The following CDC42 variants were observed in gnomAD, a reference collection of about 807,000 sequenced individuals.
CDC42 encodes cell division control protein 42 homolog.
CDC42 carries 1 observed loss-of-function variant against 20.8 expected under a neutral mutation model. That is an observed-to-expected ratio of 0.05 (90% confidence interval 0.02 to 0.23). The LOEUF is 0.23. CDC42 is among the 10% of genes least tolerant of loss of function. The pLI, the probability that CDC42 is intolerant of heterozygous loss-of-function variation, is 1.00. For synonymous variants in CDC42, 72 were observed against 84.8 expected (o/e 0.85, Z 0.83); for missense variants, 49 against 227.9 (o/e 0.21, Z 5.05).
intron 1 of CDC42, among the ~76,000 whole-genome samples, chr1:22,055,840 T>G (rs1008610084): frequency 6.6e-6 from 1 of 151,136 alleles, no homozygotes; most frequent in African/African-American, 2.4e-5. Context: ...TAGATGTATT[T>G]TAAATGCACT....
At position 22,078,601 on chromosome 1, in the gene CDC42, C is replaced by T. The variant is rs752421538; in HGVS notation, c.105+18C>T. 6.3e-7 allele frequency: 1 copy of T among 1,581,614 alleles called. No homozygotes were observed. Among genetic ancestry groups the T allele is most frequent in the South Asian group, 1.1e-5 (1 of 88,114 alleles). On this transcript the variant is annotated intron_variant, in intron 2 of 5. Coordinates refer to ENST00000656825, the MANE Select transcript of CDC42 (RefSeq NM_001791.4). Reference sequence around the variant, plus strand: ...TACCGACTGTAAGTATAAAGGCTTCCTTCTGTTAGTAAAATGTTGTAAAAT... The same window carrying T: ...TACCGACTGTAAGTATAAAGGCTTCTTTCTGTTAGTAAAATGTTGTAAAAT...
chr1:22,062,853 T>G (rs1645382155), intron 1 of CDC42, among the ~76,000 whole-genome samples: 1 of 151,792 alleles, frequency 6.6e-6, no homozygotes, highest in Non-Finnish European at 1.5e-5. Context: ...ACTTTGTCCT[T>G]AAACACTCCA....
chr1:22,082,106 A>C lies in CDC42; in HGVS notation c.178+312A>C, dbSNP rs1013941861. ...CACCTTGCAGAGAACTGGGGACTGCATTAGTGGTTGGGGAGGGACTAAGGG... is the reference window on the plus strand; with the variant it reads ...CACCTTGCAGAGAACTGGGGACTGCCTTAGTGGTTGGGGAGGGACTAAGGG... On this transcript the variant is annotated intron_variant, in intron 3 of 5. Coordinates refer to ENST00000656825, the MANE Select transcript of CDC42 (RefSeq NM_001791.4). Among the ~76,000 whole-genome samples, 3 of 152,300 alleles carry C rather than the reference A, an allele frequency of 2.0e-5. No individual in the cohort carries two copies. The East Asian group carries it at 5.8e-4, about 29-fold the overall frequency.
At chr1:22,066,331 C>T (rs540348118) in intron 1 of CDC42, among the ~76,000 whole-genome samples, 8 of 151,808 alleles carry the variant, frequency 5.3e-5, no homozygotes, top group East Asian at 3.9e-4. Context: ...GCTGAAATTG[C>T]GCCACTGTGC....
chr1:22,087,302 A>G (rs1570039908), intron 5 of CDC42, among the ~76,000 whole-genome samples: 1 of 152,342 alleles, frequency 6.6e-6, no homozygotes, highest in East Asian at 1.9e-4. Context: ...AATTAGTCAT[A>G]ATAATTGAGA....
At chr1:22,088,019 C>T (rs1461473898) in intron 5 of CDC42, among the ~76,000 whole-genome samples, 3 of 152,140 alleles carry the variant, frequency 2.0e-5, no homozygotes, top group Middle Eastern at 3.2e-3. Flanking sequence ...ACATAATCTT[C>T]TAATCCTCGT....
chr1:22,063,488 A>T (rs1010658529), intron 1 of CDC42, among the ~76,000 whole-genome samples: 1 of 152,170 alleles, frequency 6.6e-6, no homozygotes, highest in Non-Finnish European at 1.5e-5. Context: ...ATAAGTTAAT[A>T]GGATTTCGTT....
In CDC42 at chr1:22,099,006, G is replaced by T. The variant is rs151294509; in HGVS notation, c.*7489G>T. 6.6e-6 allele frequency among the ~76,000 whole-genome samples: 1 copy of T among 152,180 alleles called. No individual in the cohort carries two copies. Among genetic ancestry groups the T allele is most frequent in the East Asian group, 1.9e-4 (1 of 5,166 alleles). On this transcript the variant is annotated 3_prime_UTR_variant, in exon 6 of 6. Transcript: ENST00000656825. ...ACTCCTGAGCTGATCCTCCCACCTCGGCCTCCCAACGTGCTGGGATTACAG... is the reference window on the plus strand; with the variant it reads ...ACTCCTGAGCTGATCCTCCCACCTCTGCCTCCCAACGTGCTGGGATTACAG...
chr1:22,066,986 C>T (rs975144998), intron 1 of CDC42, among the ~76,000 whole-genome samples: 1 of 152,104 alleles, frequency 6.6e-6, no homozygotes, highest in Non-Finnish European at 1.5e-5. Context: ...TCGCTTGAAC[C>T]TGGGAGGCGG....
intron 1 of CDC42, among the ~76,000 whole-genome samples, chr1:22,065,342 G>GT (rs755548018): frequency 8.5e-5 from 13 of 152,172 alleles, no homozygotes; most frequent in Non-Finnish European, 1.6e-4. Flanking sequence ...GGCTACAAAT[G>GT]TGACACTTAT....
chr1:22,081,413 T>G (rs1645606445), intron 2 of CDC42, among the ~76,000 whole-genome samples: 1 of 152,242 alleles, frequency 6.6e-6, no homozygotes, highest in South Asian at 2.1e-4. Context: ...TCTGAAAAGT[T>G]TCAAACTTGA....
Position 22,080,569 on chromosome 1 carries a change from CTTTTCTTTTTATAGATATCA to C in CDC42, c.106-1149_106-1130del, listed in dbSNP as rs1412886950. ...TTCTTCTCCTAGTTGGAAAGCTTTG[CTTTTCTTTTTATAGATATCA>C]TTTAATTTTAAAATTTTTACTGTAA... On this transcript the variant is annotated intron_variant, in intron 2 of 5. Transcript: ENST00000656825. Among the ~76,000 whole-genome samples, 3 of 151,954 alleles carry C rather than the reference CTTTTCTTTTTATAGATATCA, an allele frequency of 2.0e-5. No homozygotes were observed. The Admixed American group carries it at 2.0e-4, about 10-fold the overall frequency.
In CDC42 at chr1:22,099,815, C is replaced by T. The variant is rs1645778555; in HGVS notation, c.*8298C>T. On this transcript the variant is annotated 3_prime_UTR_variant, in exon 6 of 6. Transcript: ENST00000656825. Reference sequence around the variant, plus strand: ...ATTCTCTACATGGCACTCTTTTAAGCCTTTGTGTGAATTAACTCAGTCTTC... The same window carrying T: ...ATTCTCTACATGGCACTCTTTTAAGTCTTTGTGTGAATTAACTCAGTCTTC... Among the ~76,000 whole-genome samples, 1 of 152,016 alleles carries T rather than the reference C, an allele frequency of 6.6e-6. No homozygotes were observed. The highest frequency in any genetic ancestry group is 2.1e-4 in the South Asian group (1 of 4,818).
At chr1:22,054,913 ATATATATATTTTTTTTTTTTTTTTTTTTT>A (rs1645282691) in intron 1 of CDC42, among the ~76,000 whole-genome samples, 11 of 14,626 alleles carry the variant, frequency 7.5e-4, no homozygotes, top group East Asian at 7.7e-3. Flanking sequence ...ATATATATAT[ATATATATATTTTTTTTTTTTTTTTTTTTT>A]TTTTTTTTTT....
intron 1 of CDC42, among the ~76,000 whole-genome samples, chr1:22,054,325 C>T (rs900627403): frequency 2.6e-5 from 4 of 152,030 alleles, no homozygotes; most frequent in African/African-American, 7.3e-5. Context: ...AAGTGAGCCT[C>T]CCACCTCAGC....
chr1:22,086,749 C>T lies in CDC42; in HGVS notation c.369C>T (p.Pro123=). 6.2e-7 allele frequency: 1 copy of T among 1,614,002 alleles called. No homozygotes were observed. Among genetic ancestry groups the T allele is most frequent in the Non-Finnish European group, 8.5e-7 (1 of 1,179,904 alleles). ...CTCAAATTGATCTCAGAGATGACCCCTCTACTATTGAGAAACTTGCCAAGA... is the reference window on the plus strand; with the variant it reads ...CTCAAATTGATCTCAGAGATGACCCTTCTACTATTGAGAAACTTGCCAAGA... ...VGTQIDLRDD[P]STIEKLAKNK... is the part of the protein sequence containing the mutation. The change falls in exon 5 of 6, where the codon CCC becomes CCT. Residue 123 remains proline (P), a synonymous_variant. Coordinates refer to ENST00000656825, the MANE Select transcript of CDC42 (RefSeq NM_001791.4).
At chr1:22,065,140 A>C (rs1569975451) in intron 1 of CDC42, among the ~76,000 whole-genome samples, 1 of 152,250 alleles carries the variant, frequency 6.6e-6, no homozygotes, top group Non-Finnish European at 1.5e-5. Context: ...TAGCTTGCCC[A>C]AAATCACACA....
At chr1:22,075,865 A>G (rs980750910) in intron 1 of CDC42, among the ~76,000 whole-genome samples, 2 of 152,214 alleles carry the variant, frequency 1.3e-5, no homozygotes, top group Non-Finnish European at 2.9e-5. Flanking sequence ...TTTGTAACAA[A>G]TTGCAGAGCA....
chr1:22,090,725 C>G (rs1180352842), intron 5 of CDC42: 1 of 984,762 alleles, frequency 1.0e-6, no homozygotes, highest in African/African-American at 1.7e-5. Flanking sequence ...TATTTTCCTG[C>G]TTCTGATTTT....
Sources: gnomAD v4.1 joint callset for allele counts (sites outside exome capture counted in the v4.1 genomes callset) on GRCh38, gnomAD v4.1.1 for gene constraint, MANE v1.5 for transcripts, NCBI Gene and HGNC (gene_info 2026-07-23, HGNC 2026-07-21) for gene names.